CADM2: variants seen among roughly 807,000 people sequenced by gnomAD.
The protein encoded by CADM2 is immunoglobulin superfamily member 4D.
Under a neutral mutation model 49.8 loss-of-function variants are expected in CADM2, and 12 were observed. The ratio of observed to expected loss-of-function variants is 0.24; its 90% CI spans 0.15 to 0.39. CADM2 has a LOEUF of 0.39. Among genes scored for constraint, CADM2 ranks in the 10% least tolerant of loss-of-function variants. The probability of loss-of-function intolerance (pLI) is 1.00; values close to 1 mark genes in which losing one functional copy is unlikely to be tolerated. For synonymous variants in CADM2, 214 were observed against 175.4 expected (o/e 1.22, Z -1.74); for missense variants, 378 against 492.3 (o/e 0.77, Z 2.20).
At chr3:85,376,062 A>T (rs897306570) in intron 1 of CADM2, among the ~76,000 whole-genome samples, 5 of 152,170 alleles carry the variant, frequency 3.3e-5, no homozygotes, top group Non-Finnish European at 4.4e-5. Context: ...AAGTACTATT[A>T]TTATCAATTT....
In CADM2 at chr3:85,394,635, A is replaced by G. The variant is rs372302941; in HGVS notation, c.62-331887A>G. On this transcript the variant is annotated intron_variant, in intron 1 of 9. Transcript: ENST00000383699. Reference sequence around the variant, plus strand: ...AAAGTTAACTGGACTTATTGTACTCATATAACCGTGGCTTATTTTATAGCC... The same window carrying G: ...AAAGTTAACTGGACTTATTGTACTCGTATAACCGTGGCTTATTTTATAGCC... Among the ~76,000 whole-genome samples, 80 of 152,284 alleles carry G rather than the reference A, an allele frequency of 5.3e-4. No homozygotes were observed. In the South Asian group the frequency reaches 8.1e-3, roughly 15 times the overall value.
intron 8 of CADM2, among the ~76,000 whole-genome samples, chr3:86,051,030 G>A (rs28847736): frequency 0.18 from 26,841 of 152,104 alleles, 2,416 homozygotes; most frequent in South Asian, 0.24. Context: ...CACATGGCCA[G>A]GTTGAAAATT....
chr3:85,796,430 C>T (rs2071626811), intron 2 of CADM2, among the ~76,000 whole-genome samples: 1 of 152,110 alleles, frequency 6.6e-6, no homozygotes, highest in Non-Finnish European at 1.5e-5. Context: ...CAAAACACAT[C>T]CCACTGTGGC....
chr3:85,027,806 C>T (rs1000209750), intron 1 of CADM2, among the ~76,000 whole-genome samples: 2 of 152,026 alleles, frequency 1.3e-5, no homozygotes, highest in African/African-American at 4.8e-5. Context: ...GCTAACATTG[C>T]CAATAGTTAC....
chr3:85,618,477 T>A (rs959034802), intron 1 of CADM2, among the ~76,000 whole-genome samples: 1 of 152,122 alleles, frequency 6.6e-6, no homozygotes, highest in African/African-American at 2.4e-5. Context: ...ATATTTAGTA[T>A]TTTTTGTACT....
At chr3:85,991,104 T>G (rs1424202694) in intron 8 of CADM2, among the ~76,000 whole-genome samples, 1 of 152,148 alleles carries the variant, frequency 6.6e-6, no homozygotes, top group African/African-American at 2.4e-5. Context: ...TCACAGGGAC[T>G]GGGAGTTAAG....
chr3:85,408,377 G>A (rs1355717101), intron 1 of CADM2, among the ~76,000 whole-genome samples: 2 of 152,148 alleles, frequency 1.3e-5, no homozygotes, highest in East Asian at 1.9e-4. Flanking sequence ...AATAATTGAC[G>A]ATGACTAGTC....
chr3:85,881,386 AG>A (rs760023655), intron 3 of CADM2, among the ~76,000 whole-genome samples: 9 of 152,104 alleles, frequency 5.9e-5, no homozygotes, highest in Non-Finnish European at 1.2e-4. Context: ...ATCTCAGTAT[AG>A]GCATCTTTTA....
At chr3:85,358,223 G>T (rs2032036200) in intron 1 of CADM2, among the ~76,000 whole-genome samples, 1 of 152,016 alleles carries the variant, frequency 6.6e-6, no homozygotes, top group African/African-American at 2.4e-5. Context: ...AATCAAACAT[G>T]TCTGCAGACA....
At chr3:85,600,725 T>G (rs2063367124) in intron 1 of CADM2, among the ~76,000 whole-genome samples, 1 of 151,758 alleles carries the variant, frequency 6.6e-6, no homozygotes, top group Non-Finnish European at 1.5e-5. Flanking sequence ...AAAAATGGCT[T>G]TTGAATCAGT....
chr3:85,061,220 G>T (rs1168647483), intron 1 of CADM2, among the ~76,000 whole-genome samples: 1 of 152,026 alleles, frequency 6.6e-6, no homozygotes, highest in East Asian at 1.9e-4. Context: ...TTCTCGTGAT[G>T]AAAATATACC....
chr3:85,294,826 C>T (rs1219169068), intron 1 of CADM2, among the ~76,000 whole-genome samples: 3 of 152,242 alleles, frequency 2.0e-5, no homozygotes, highest in African/African-American at 7.2e-5. Context: ...AGACCTAAAA[C>T]CATAAAAACC....
chr3:86,056,701 A>G (rs944422726), intron 8 of CADM2, among the ~76,000 whole-genome samples: 7 of 152,180 alleles, frequency 4.6e-5, no homozygotes, highest in African/African-American at 1.7e-4. Flanking sequence ...CAGTTTGTAA[A>G]TTGATTGTAT....
At chr3:85,487,544 G>A (rs2039471306) in intron 1 of CADM2, among the ~76,000 whole-genome samples, 1 of 150,328 alleles carries the variant, frequency 6.7e-6, no homozygotes, top group Non-Finnish European at 1.5e-5. Flanking sequence ...GGAGGAGGAG[G>A]ACGAGGAGGA....
chr3:85,189,730 C>T (rs1320005111), intron 1 of CADM2, among the ~76,000 whole-genome samples: 1 of 151,998 alleles, frequency 6.6e-6, no homozygotes, highest in Non-Finnish European at 1.5e-5. Context: ...TTAGGGGGGA[C>T]CTCCAGCTAA....
intron 1 of CADM2, among the ~76,000 whole-genome samples, chr3:85,269,258 A>G (rs1285185147): frequency 6.6e-6 from 1 of 151,464 alleles, no homozygotes; most frequent in Non-Finnish European, 1.5e-5. Context: ...ACAGAACACC[A>G]AATGTCACGG....
At chr3:85,907,138 G>T (rs763431620) in intron 5 of CADM2, among the ~76,000 whole-genome samples, 1 of 152,130 alleles carries the variant, frequency 6.6e-6, no homozygotes, top group African/African-American at 2.4e-5. Context: ...CATGTAATGC[G>T]TATATTTTCT....
At chr3:85,668,560 T>C (rs1022534844) in intron 1 of CADM2, among the ~76,000 whole-genome samples, 11 of 152,026 alleles carry the variant, frequency 7.2e-5, no homozygotes, top group South Asian at 2.1e-4. Flanking sequence ...GTTCTCATGA[T>C]AGTGAATAAG....
chr3:85,865,187 C>T (rs2075678154), intron 3 of CADM2, among the ~76,000 whole-genome samples: 1 of 152,182 alleles, frequency 6.6e-6, no homozygotes, highest in Non-Finnish European at 1.5e-5. Flanking sequence ...ACTGGAGAGG[C>T]TTACTCCAGG....
Sources: allele counts gnomAD v4.1 joint callset (sites outside exome capture counted in the v4.1 genomes callset), GRCh38; gene constraint gnomAD v4.1.1; transcripts MANE v1.5; gene names NCBI Gene and HGNC (gene_info 2026-07-23, HGNC 2026-07-21).